The following UBE3D variants were observed in gnomAD, a reference collection of about 807,000 sequenced individuals.
UBE3D encodes ubiquitin protein ligase E3D, also known as E3 ubiquitin-protein ligase E3D.
UBE3D carries 48 observed loss-of-function variants against 49.6 expected under a neutral mutation model. The ratio of observed to expected loss-of-function variants is 0.97; its 90% confidence interval spans 0.77 to 1.23. The LOEUF is 1.23. UBE3D is among the 50% of genes most tolerant of loss of function. The pLI is 0.00. For synonymous variants in UBE3D, 189 were observed against 174.2 expected, an observed-to-expected ratio of 1.08 and a Z score of -0.67; for missense variants, 452 against 468.4, an observed-to-expected ratio of 0.96 and a Z score of 0.32.
chr6:83,060,987 GAA>G (rs944607813), intron 1 of UBE3D, among the ~76,000 whole-genome samples: 2 of 152,138 alleles, frequency 1.3e-5, no homozygotes, highest in African/African-American at 4.8e-5. Context: ...ATTATGAAGA[GAA>G]AAAGAGTAAC....
At chr6:82,950,980 A>G (rs1775749686) in intron 9 of UBE3D, among the ~76,000 whole-genome samples, 1 of 151,962 alleles carries the variant, frequency 6.6e-6, no homozygotes, top group South Asian at 2.1e-4. Flanking sequence ...GGGATGAGGG[A>G]AGTGGGGATG....
Position 83,019,065 on chromosome 6 carries a change from G to A in UBE3D, c.918C>T (p.Pro306=). 6.2e-7 allele frequency: 1 copy of A among 1,613,884 alleles called. No homozygotes were observed. Among genetic ancestry groups the A allele is most frequent in the East Asian group, 2.2e-5 (1 of 44,836 alleles). The part of the protein sequence containing the change: ...LRNSKYIKKF[P]LLENTFKADS... ...CGGCTTTGAATGTGTTTTCCAACAA[G>A]GGGAATTTTTTGATATATTTGGAAT... Residue 306 remains proline, a synonymous_variant, in exon 8 of 10, where the codon CCC becomes CCT. Transcript: ENST00000369747.
intron 9 of UBE3D, among the ~76,000 whole-genome samples, chr6:82,915,122 T>C (rs1363533044): frequency 6.6e-6 from 1 of 152,186 alleles, no homozygotes; most frequent in Non-Finnish European, 1.5e-5. Context: ...TTATAGAATG[T>C]TCTATAACTT....
chr6:83,029,099 T>C (rs1490608857), intron 5 of UBE3D, among the ~76,000 whole-genome samples: 1 of 152,228 alleles, frequency 6.6e-6, no homozygotes, highest in Non-Finnish European at 1.5e-5. Flanking sequence ...GTTTTTGTGT[T>C]TATCCTACTA....
chr6:82,967,422 C>T (rs982596950), intron 8 of UBE3D, among the ~76,000 whole-genome samples: 3 of 151,924 alleles, frequency 2.0e-5, no homozygotes, highest in African/African-American at 4.9e-5. Context: ...AGTTCCATTA[C>T]GAGCATCTCT....
At chr6:82,949,778 CAATA>C (rs1206650466) in intron 9 of UBE3D, among the ~76,000 whole-genome samples, 2 of 151,990 alleles carry the variant, frequency 1.3e-5, no homozygotes, top group African/African-American at 4.8e-5. Context: ...ACAGTCTCTT[CAATA>C]AATGGTTCTG....
intron 9 of UBE3D, among the ~76,000 whole-genome samples, chr6:82,953,227 T>G (rs1371158848): frequency 1.3e-5 from 2 of 152,236 alleles, no homozygotes; most frequent in African/African-American, 2.4e-5. Context: ...CGTTGGTTTC[T>G]GGCACAAAAG....
chr6:82,957,384 C>G lies in UBE3D; in HGVS notation c.1077G>C (p.Leu359Phe), dbSNP rs146871348. Residue 359 changes from leucine (L) to phenylalanine (F), a missense_variant, in exon 9 of 10, where the codon TTG becomes TTC. By Grantham distance (22) the Leu-to-Phe change is conservative. Coordinates refer to ENST00000369747, the MANE Select transcript of UBE3D (RefSeq NM_198920.3). ...TCTTTGACAATATCAACAGCAGCTCCAAGCAGGTTGCAGAGGGCAGGGTTA... is the reference window on the plus strand; with the variant it reads ...TCTTTGACAATATCAACAGCAGCTCGAAGCAGGTTGCAGAGGGCAGGGTTA... ...HPLTLPSATC[L>F]ELLLILSKSN... 3.8e-4 allele frequency: 609 copies of G among 1,614,062 alleles called. 4 individuals are homozygous for G. The African/African-American group carries it at 6.8e-3, about 18-fold the overall frequency.
At chr6:82,998,291 T>C (rs1779387231) in intron 8 of UBE3D, among the ~76,000 whole-genome samples, 1 of 152,244 alleles carries the variant, frequency 6.6e-6, no homozygotes, top group Admixed American at 6.5e-5. Context: ...TGAAAGAAAC[T>C]GACTTCTTCC....
Position 83,019,812 on chromosome 6 carries a change from C to G in UBE3D, c.847-676G>C, listed in dbSNP as rs1379909529. Among the ~76,000 whole-genome samples the G allele has an allele frequency of 2.6e-5, 4 of 152,316 alleles. No individual in the cohort carries two copies. The East Asian group carries it at 5.8e-4, about 22-fold the overall frequency. On this transcript the variant is annotated intron_variant, in intron 7 of 9. Transcript: ENST00000369747. ...ATGAATCCCACCTACAGAGTTTGTT[C>G]TACCTTGAGACAAGAGTCCCTAGCT... is the stretch of plus-strand genomic sequence containing the variant.
At chr6:82,898,619 C>G (rs1255183998) in intron 9 of UBE3D, among the ~76,000 whole-genome samples, 1 of 151,486 alleles carries the variant, frequency 6.6e-6, no homozygotes, top group South Asian at 2.1e-4. Context: ...TAAGTGGGAG[C>G]TGAACAATGA....
intron 5 of UBE3D, chr6:83,037,826 A>G (rs1391879333): frequency 6.6e-6 from 1 of 152,220 alleles, no homozygotes; most frequent in Non-Finnish European, 1.5e-5. Flanking sequence ...ATAAAATATA[A>G]TCAATGCTAC....
chr6:83,030,136 G>A (rs1781763015), intron 5 of UBE3D, among the ~76,000 whole-genome samples: 1 of 152,062 alleles, frequency 6.6e-6, no homozygotes, highest in African/African-American at 2.4e-5. Flanking sequence ...AGTTATCTCA[G>A]CCCTTCTATC....
chr6:83,023,696 G>GC (rs917933917), intron 6 of UBE3D, among the ~76,000 whole-genome samples: 1 of 152,132 alleles, frequency 6.6e-6, no homozygotes, highest in Non-Finnish European at 1.5e-5. Context: ...GGATGCAAAG[G>GC]CATAAGAATA....
intron 5 of UBE3D, among the ~76,000 whole-genome samples, chr6:83,025,882 TAAAAAAAAA>T (rs70987730): frequency 1.1e-5 from 1 of 90,340 alleles, no homozygotes; most frequent in Admixed American, 1.4e-4. Flanking sequence ...GACTCCATCT[TAAAAAAAAA>T]AAAAAAAAAA....
At chr6:83,039,186 T>C (rs1782473231) in intron 4 of UBE3D, among the ~76,000 whole-genome samples, 1 of 152,202 alleles carries the variant, frequency 6.6e-6, no homozygotes, top group African/African-American at 2.4e-5. Flanking sequence ...AAACCATACA[T>C]TCCTCTCGTC....
At chr6:82,899,485 A>C (rs1393051222) in intron 9 of UBE3D, among the ~76,000 whole-genome samples, 3 of 152,176 alleles carry the variant, frequency 2.0e-5, no homozygotes, top group Non-Finnish European at 4.4e-5. Context: ...TATAACTAAA[A>C]AGCTTGTTGA....
At position 83,050,363 on chromosome 6, in the gene UBE3D, A is replaced by G. The variant is rs571564633; in HGVS notation, c.365+3785T>C. Among the ~76,000 whole-genome samples, 5 of 152,294 alleles carry G rather than the reference A, an allele frequency of 3.3e-5. No homozygotes were observed. In the East Asian group the frequency reaches 5.8e-4, roughly 18 times the overall value. On this transcript the variant is annotated intron_variant, in intron 3 of 9. Transcript: ENST00000369747. ...TGATCAGGTAATTTTCATGTTTCAT[A>G]GCACTCTAACAGGTTTATCTAATCC...
intron 8 of UBE3D, among the ~76,000 whole-genome samples, chr6:83,006,028 C>T (rs1779953884): frequency 6.6e-6 from 1 of 152,044 alleles, no homozygotes; most frequent in Non-Finnish European, 1.5e-5. Flanking sequence ...AGTTTGAGAC[C>T]AGCCTGGCCA....
Sources: allele counts gnomAD v4.1 joint callset (sites outside exome capture counted in the v4.1 genomes callset), GRCh38; gene constraint gnomAD v4.1.1; transcripts MANE v1.5; gene names NCBI Gene and HGNC (gene_info 2026-07-23, HGNC 2026-07-21).